NELL1: variants seen among roughly 807,000 people sequenced by gnomAD.
NELL1 encodes protein kinase C-binding protein NELL1.
NELL1 carries 76 observed loss-of-function variants against 107.4 expected under a neutral mutation model. The ratio of observed to expected loss-of-function variants is 0.71; its 90% confidence interval spans 0.59 to 0.86. NELL1 has a LOEUF of 0.86. NELL1 is among the 40% of genes least tolerant of loss of function. NELL1 has a pLI of 0.00. For synonymous variants in NELL1, 353 were observed against 341.2 expected (o/e 1.03, Z -0.38); for missense variants, 1,024 against 1,005.5 (o/e 1.02, Z -0.25).
chr11:21,431,372 T>G (rs962872665), intron 15 of NELL1, among the ~76,000 whole-genome samples: 7 of 152,224 alleles, frequency 4.6e-5, no homozygotes, highest in Non-Finnish European at 1.0e-4. Flanking sequence ...ACTGATTCTC[T>G]CTTGCTGTCA....
intron 14 of NELL1, among the ~76,000 whole-genome samples, chr11:21,255,021 G>A (rs575671454): frequency 1.3e-5 from 2 of 152,206 alleles, no homozygotes; most frequent in South Asian, 4.1e-4. Context: ...GCTAGGATGA[G>A]CTAATTTACA....
intron 2 of NELL1, among the ~76,000 whole-genome samples, chr11:20,764,611 C>CTT (rs200315813): frequency 0.059 from 8,385 of 142,030 alleles, 381 homozygotes; most frequent in East Asian, 0.21. Context: ...CACCCCAGAC[C>CTT]TTTTTTTTTT....
At chr11:20,781,314 A>G (rs1044173883) in intron 2 of NELL1, among the ~76,000 whole-genome samples, 2 of 152,198 alleles carry the variant, frequency 1.3e-5, no homozygotes, top group Non-Finnish European at 2.9e-5. Flanking sequence ...GAGAAAATTG[A>G]GAGTGGCGGG....
intron 14 of NELL1, among the ~76,000 whole-genome samples, chr11:21,277,409 G>A (rs991337774): frequency 6.6e-6 from 1 of 151,354 alleles, no homozygotes; most frequent in African/African-American, 2.4e-5. Context: ...ACAGGTGCTG[G>A]AGAGGATGTG....
rs59483612 is a variant in NELL1, at chr11:20,748,872, T to TCATC, written c.185-34781_185-34778dup. 8.7e-3 allele frequency among the ~76,000 whole-genome samples: 1,265 copies of TCATC among 145,948 alleles called. 10 individuals carry two copies. Among genetic ancestry groups the TCATC allele is most frequent in the Non-Finnish European group, 0.014 (931 of 66,750 alleles). On this transcript the variant is annotated intron_variant, in intron 2 of 19. Coordinates refer to ENST00000357134, the MANE Select transcript of NELL1 (RefSeq NM_006157.5). ...CAATTGCGTATTGGAGCATATTCTA[T>TCATC]CATCCATCCATCCATCCATCCATCC...
intron 13 of NELL1, among the ~76,000 whole-genome samples, chr11:21,184,191 A>G (rs982500285): frequency 6.6e-6 from 1 of 151,836 alleles, no homozygotes; most frequent in Non-Finnish European, 1.5e-5. Context: ...AATATCCCAC[A>G]TTCCCTCCTA....
chr11:20,791,255 C>A (rs749826569), intron 3 of NELL1, among the ~76,000 whole-genome samples: 1 of 151,970 alleles, frequency 6.6e-6, no homozygotes, highest in African/African-American at 2.4e-5. Context: ...TCATTTCTTT[C>A]AATTTTTTTT....
intron 12 of NELL1, among the ~76,000 whole-genome samples, chr11:21,096,878 G>T (rs1280947348): frequency 6.6e-6 from 1 of 151,802 alleles, no homozygotes; most frequent in Non-Finnish European, 1.5e-5. Context: ...ACCTGGCTAA[G>T]TTTTTGTATT....
intron 3 of NELL1, among the ~76,000 whole-genome samples, chr11:20,788,309 A>C (rs1857008411): frequency 6.6e-6 from 1 of 152,224 alleles, no homozygotes; most frequent in Non-Finnish European, 1.5e-5. Context: ...ACTGTTTTAC[A>C]TTCCCCGAAG....
At chr11:21,041,416 A>C (rs918445325) in intron 12 of NELL1, among the ~76,000 whole-genome samples, 19 of 152,158 alleles carry the variant, frequency 1.2e-4, no homozygotes, top group Admixed American at 1.2e-3. Context: ...TTATAGCAAA[A>C]AGTCAGAGAG....
At chr11:20,932,208 T>G (rs988208544) in intron 9 of NELL1, among the ~76,000 whole-genome samples, 1 of 151,482 alleles carries the variant, frequency 6.6e-6, no homozygotes, top group African/African-American at 2.4e-5. Flanking sequence ...TTTCCAGGGC[T>G]CCACCTAGAC....
intron 1 of NELL1, among the ~76,000 whole-genome samples, chr11:20,672,781 G>A (rs868536102): frequency 1.3e-4 from 20 of 151,958 alleles, no homozygotes; most frequent in African/African-American, 4.8e-4. Flanking sequence ...GGTGAAGGGA[G>A]TACCTACACC....
intron 2 of NELL1, among the ~76,000 whole-genome samples, chr11:20,688,471 C>A (rs1397473880): frequency 2.0e-5 from 3 of 152,048 alleles, no homozygotes; most frequent in Non-Finnish European, 4.4e-5. Flanking sequence ...TAAGTGAGAA[C>A]CTGTAGTATT....
chr11:21,475,933 T>C (rs2133892509), intron 15 of NELL1, among the ~76,000 whole-genome samples: 1 of 152,308 alleles, frequency 6.6e-6, no homozygotes, highest in East Asian at 1.9e-4. Flanking sequence ...GATTCTTTGC[T>C]TTACTTTCTT....
intron 14 of NELL1, among the ~76,000 whole-genome samples, chr11:21,286,708 G>C (rs1437324737): frequency 6.6e-6 from 1 of 152,196 alleles, no homozygotes; most frequent in Admixed American, 6.5e-5. Flanking sequence ...TCTTGGACCA[G>C]ACTGCTGCAG....
intron 2 of NELL1, among the ~76,000 whole-genome samples, chr11:20,772,973 A>T (rs896121986): frequency 6.6e-6 from 1 of 152,260 alleles, no homozygotes; most frequent in African/African-American, 2.4e-5. Context: ...TCTAGCAAAA[A>T]TAAAAAATTC....
intron 12 of NELL1, among the ~76,000 whole-genome samples, chr11:21,057,705 A>G (rs565647471): frequency 1.3e-5 from 2 of 152,116 alleles, no homozygotes; most frequent in Admixed American, 6.6e-5. Flanking sequence ...GTGTTTAATT[A>G]AATTCCTATT....
intron 15 of NELL1, among the ~76,000 whole-genome samples, chr11:21,467,515 A>G (rs1854062310): frequency 6.6e-6 from 1 of 152,098 alleles, no homozygotes. Context: ...TGTCAGTTTA[A>G]TGTTGTCCTA....
intron 12 of NELL1, among the ~76,000 whole-genome samples, chr11:21,088,324 T>C (rs980579387): frequency 2.6e-5 from 4 of 152,170 alleles, no homozygotes; most frequent in African/African-American, 9.7e-5. Context: ...TGTTTCACAA[T>C]GGTTTTTTTC....
Sources: allele counts gnomAD v4.1 joint callset (sites outside exome capture counted in the v4.1 genomes callset), GRCh38; gene constraint gnomAD v4.1.1; transcripts MANE v1.5; gene names NCBI Gene and HGNC (gene_info 2026-07-23, HGNC 2026-07-21).